HECW2: variants seen among roughly 807,000 people sequenced by gnomAD.
HECW2 encodes E3 ubiquitin-protein ligase HECW2.
In HECW2, 61 loss-of-function variants were observed where a neutral mutation model predicts 175.2. That is an observed-to-expected ratio of 0.35 (90% CI 0.28 to 0.43). The LOEUF (loss-of-function observed/expected upper bound fraction) is 0.43, where lower values mean the gene tolerates loss of function less well. HECW2 is among the 20% of genes least tolerant of loss of function. The probability of loss-of-function intolerance (pLI) is 1.00; values close to 1 mark genes in which losing one functional copy is unlikely to be tolerated. For missense variants in HECW2, 1,524 were observed against 2,000.5 expected (o/e 0.76, Z 4.54); for synonymous variants, 671 against 731.0 (o/e 0.92, Z 1.32).
At chr2:196,392,161 TCCC>T (rs1694530997) in intron 2 of HECW2, among the ~76,000 whole-genome samples, 1 of 152,198 alleles carries the variant, frequency 6.6e-6, no homozygotes, top group East Asian at 1.9e-4. Flanking sequence ...TTAGATTCAA[TCCC>T]TTTATCTGTA....
chr2:196,506,025 G>A (rs1183934427), intron 1 of HECW2, among the ~76,000 whole-genome samples: 3 of 152,150 alleles, frequency 2.0e-5, no homozygotes, highest in African/African-American at 7.2e-5. Flanking sequence ...AAGGCAGTCG[G>A]GGAGGGATGG....
chr2:196,220,669 CT>C, intron 25 of HECW2, 125 bp downstream of exon 25: 2 of 1,055,238 alleles, frequency 1.9e-6, no homozygotes. Context: ...AAATACTGAA[CT>C]TTTCGCATGG....
rs1445585985 is a variant in HECW2 at position 196,460,110 on chromosome 2, A to G, written c.-35-26652T>C. 5.9e-5 allele frequency among the ~76,000 whole-genome samples: 9 copies of G among 152,278 alleles called. No homozygotes were observed. The South Asian group carries it at 1.5e-3, about 25-fold the overall frequency. On this transcript the variant is annotated intron_variant, in intron 1 of 28. Coordinates refer to ENST00000644978, the MANE Select transcript of HECW2 (RefSeq NM_001348768.2). ...ACCCTGCAGGCTGCAACCCTTTATG[A>G]AAAATAAAGCTCTCCTTTCCAAATT...
At chr2:196,324,373 T>C (rs541621665) in intron 6 of HECW2, among the ~76,000 whole-genome samples, 1 of 152,272 alleles carries the variant, frequency 6.6e-6, no homozygotes, top group Admixed American at 6.5e-5. Flanking sequence ...TGCACTAAGA[T>C]GACTGGTAGC....
chr2:196,302,273 T>A (rs1248088310), intron 13 of HECW2, among the ~76,000 whole-genome samples: 1 of 152,146 alleles, frequency 6.6e-6, no homozygotes, highest in East Asian at 1.9e-4. Context: ...CAGTACCATG[T>A]TGTTTTGGTT....
At chr2:196,579,463 T>G (rs974592831) in intron 1 of HECW2, among the ~76,000 whole-genome samples, 3 of 152,144 alleles carry the variant, frequency 2.0e-5, no homozygotes, top group Admixed American at 2.0e-4. Context: ...TCCAGTCAAA[T>G]GGCAGAAATT....
chr2:196,242,743 A>C lies in HECW2; in HGVS notation c.3530-539T>G, dbSNP rs1375037693. 3.1e-5 allele frequency: 4 copies of C among 130,886 alleles called. No homozygotes were observed. In the East Asian group the frequency reaches 9.0e-4, roughly 30 times the overall value. The allele number at this position is 130,886 out of a possible 1,614,324, so 8.1% of individuals were successfully genotyped here. A position where few individuals can be genotyped will look rare whatever the true frequency, so the allele number is the denominator to read the frequency against. On this transcript the variant is annotated intron_variant, in intron 19 of 28. Transcript: ENST00000644978. ...CTTACTCTGTCACCCAGCAGGCTGGAGTGCAGTGGTGCAATCTTGGCTCAC... is the reference window on the plus strand; with the variant it reads ...CTTACTCTGTCACCCAGCAGGCTGGCGTGCAGTGGTGCAATCTTGGCTCAC...
At chr2:196,472,001 A>G (rs1394766417) in intron 1 of HECW2, among the ~76,000 whole-genome samples, 1 of 151,738 alleles carries the variant, frequency 6.6e-6, no homozygotes, top group Non-Finnish European at 1.5e-5. Context: ...AAAGAAAAGC[A>G]AGAGAGAACC....
At chr2:196,491,220 C>T (rs186981446) in intron 1 of HECW2, among the ~76,000 whole-genome samples, 36 of 151,968 alleles carry the variant, frequency 2.4e-4, no homozygotes, top group Non-Finnish European at 4.4e-4. Context: ...GGAATGTTGG[C>T]GGGTGCAGTG....
chr2:196,353,374 T>G (rs554287972), intron 2 of HECW2, among the ~76,000 whole-genome samples: 1 of 152,334 alleles, frequency 6.6e-6, no homozygotes, highest in East Asian at 1.9e-4. Context: ...ATAATCCTTA[T>G]CATCTTCTCA....
At chr2:196,308,780 T>C (rs956513189) in intron 10 of HECW2, among the ~76,000 whole-genome samples, 3 of 152,216 alleles carry the variant, frequency 2.0e-5, no homozygotes, top group African/African-American at 2.4e-5. Flanking sequence ...AGAAGGCAGA[T>C]TGGTCTTCAG....
At chr2:196,534,752 C>G (rs1172315520) in intron 1 of HECW2, among the ~76,000 whole-genome samples, 1 of 152,194 alleles carries the variant, frequency 6.6e-6, no homozygotes, top group Non-Finnish European at 1.5e-5. Flanking sequence ...CTTCCATTGT[C>G]AGTCTCTACT....
chr2:196,414,827 C>T (rs1695210590), intron 2 of HECW2, among the ~76,000 whole-genome samples: 2 of 152,196 alleles, frequency 1.3e-5, no homozygotes, highest in Admixed American at 1.3e-4. Flanking sequence ...AGGTTATTGT[C>T]AGCACAGCCC....
chr2:196,215,870 A>G lies in HECW2; in HGVS notation c.4602T>C (p.Leu1534=), dbSNP rs1443837113. 1 of 1,602,498 alleles carries G rather than the reference A, an allele frequency of 6.2e-7. No homozygotes were observed. Among genetic ancestry groups the G allele is most frequent in the Admixed American group, 1.7e-5 (1 of 59,986 alleles). The change falls in exon 28 of 29, where the codon CTT becomes CTC. Residue 1534 remains leucine, a synonymous_variant. Coordinates refer to ENST00000644978, the MANE Select transcript of HECW2 (RefSeq NM_001348768.2). ...AATGTTATTTTATATTTTACCTGGGAAGAGCAGTGATTTTCCCCCATTTCT... is the reference window on the plus strand; with the variant it reads ...AATGTTATTTTATATTTTACCTGGGGAGAGCAGTGATTTTCCCCCATTTCT... ...CVEKWGKITA[L]PRAHTCFNRL...
At chr2:196,519,185 G>A (rs1434143043) in intron 1 of HECW2, among the ~76,000 whole-genome samples, 2 of 152,160 alleles carry the variant, frequency 1.3e-5, no homozygotes, top group African/African-American at 2.4e-5. Flanking sequence ...GTGGGAAGGG[G>A]CTAAGCAGCA....
rs1441995669 is a variant in HECW2, at chr2:196,312,343, T to C, written c.2435-4258A>G. 2.0e-5 allele frequency among the ~76,000 whole-genome samples: 3 copies of C among 152,198 alleles called. No homozygotes were observed. In the East Asian group the frequency reaches 5.8e-4, roughly 29 times the overall value. ...GTGAAATAAATGTATAAATCCACTATAAAAAACTATAATAACCACAGGTAT... is the reference window on the plus strand; with the variant it reads ...GTGAAATAAATGTATAAATCCACTACAAAAAACTATAATAACCACAGGTAT... On this transcript the variant is annotated intron_variant, in intron 10 of 28. Transcript: ENST00000644978.
At position 196,194,284 on chromosome 2, in the gene HECW2, T is replaced by G. The variant is rs1686619451; in HGVS notation, c.*6993A>C. 1 of 151,938 alleles carries G rather than the reference T, an allele frequency of 6.6e-6. No individual in the cohort carries two copies. Among genetic ancestry groups the G allele is most frequent in the African/African-American group, 2.4e-5 (1 of 41,432 alleles). The allele number at this position is 151,938 out of a possible 1,614,324, so 9.4% of individuals were successfully genotyped here. A position where few individuals can be genotyped will look rare whatever the true frequency, so the allele number is the denominator to read the frequency against. On this transcript the variant is annotated 3_prime_UTR_variant, in exon 29 of 29. Coordinates refer to ENST00000644978, the MANE Select transcript of HECW2 (RefSeq NM_001348768.2). ...CTCCAATATTTATAGAGCTGCAAACTAATGCCATGAAATCTTTATCTCTAC... is the reference window on the plus strand; with the variant it reads ...CTCCAATATTTATAGAGCTGCAAACGAATGCCATGAAATCTTTATCTCTAC...
chr2:196,525,158 C>T (rs1423840403), intron 1 of HECW2, among the ~76,000 whole-genome samples: 4 of 147,168 alleles, frequency 2.7e-5, no homozygotes, highest in East Asian at 2.0e-4. Context: ...AATCTGGGTG[C>T]TCCTGTATTG....
At chr2:196,246,352 A>C (rs563106708) in intron 19 of HECW2, among the ~76,000 whole-genome samples, 43 of 152,290 alleles carry the variant, frequency 2.8e-4, no homozygotes, top group African/African-American at 9.1e-4. Context: ...ATGAAGAACA[A>C]GGAACTGAAC....
Sources: gnomAD v4.1 joint callset for allele counts (sites outside exome capture counted in the v4.1 genomes callset) on GRCh38, gnomAD v4.1.1 for gene constraint, MANE v1.5 for transcripts, NCBI Gene and HGNC (gene_info 2026-07-23, HGNC 2026-07-21) for gene names.